INTS10: variants seen among roughly 807,000 people sequenced by gnomAD.
The protein encoded by INTS10 is integrator complex subunit 10.
A neutral mutation model predicts 94.4 loss-of-function variants in INTS10; 44 were observed. The ratio of observed to expected loss-of-function variants is 0.47; its 90% CI spans 0.37 to 0.60. The LOEUF (loss-of-function observed/expected upper bound fraction) is 0.60. INTS10 is among the 20% of genes least tolerant of loss of function. The probability of loss-of-function intolerance (pLI) is 0.00; values close to 1 mark genes in which losing one functional copy is unlikely to be tolerated. For synonymous variants in INTS10, 341 were observed against 320.7 expected (o/e 1.06, Z -0.68); for missense variants, 797 against 868.7 (o/e 0.92, Z 1.04).
chr8:19,835,291 G>A (rs545627125), intron 12 of INTS10, among the ~76,000 whole-genome samples: 1 of 152,142 alleles, frequency 6.6e-6, no homozygotes, highest in South Asian at 2.1e-4. Flanking sequence ...CTAAAATACT[G>A]CTTTCATCCT....
rs1424462563 is a variant in INTS10, at chr8:19,851,354, T to G, written c.1977-295T>G. 2.0e-5 allele frequency among the ~76,000 whole-genome samples: 3 copies of G among 152,170 alleles called. No individual in the cohort carries two copies. Among genetic ancestry groups the G allele is most frequent in the Admixed American group, 6.5e-5 (1 of 15,280 alleles). ...ATTGTGTACCAGTCAGCAGTAGGGATGCATAACACCAGAGCTTCATTGATT... is the reference window on the plus strand; with the variant it reads ...ATTGTGTACCAGTCAGCAGTAGGGAGGCATAACACCAGAGCTTCATTGATT... On this transcript the variant is annotated intron_variant, in intron 16 of 16. Transcript: ENST00000397977. This position sits in a 1 kb window ranked among gnomAD's most constrained non-coding sequence, Gnocchi z 5.0.
intron 1 of INTS10, 63 bp from the exon 2 acceptor site, chr8:19,818,212 C>A: frequency 6.6e-7 from 1 of 1,523,074 alleles, no homozygotes; most frequent in Non-Finnish European, 9.1e-7. Context: ...ACGAGCGATG[C>A]TGGATGAGCT....
In INTS10 at chr8:19,822,570, G is replaced by C. The variant is rs747167808; in HGVS notation, c.523+50G>C. The C allele has an allele frequency of 4.0e-5, 47 of 1,171,360 alleles. No individual in the cohort carries two copies. In the South Asian group the frequency reaches 5.8e-4, roughly 14 times the overall value. The allele number at this position is 1,171,360 out of a possible 1,614,324, so 72.6% of individuals were successfully genotyped here. ...ACTTCTATGGTAAATTAATATGCTG[G>C]GGTAAGTGTTGGTTCAGGGATAAGC... On this transcript the variant is annotated intron_variant, in intron 5 of 16. Coordinates refer to ENST00000397977, the MANE Select transcript of INTS10 (RefSeq NM_018142.4).
intron 10 of INTS10, among the ~76,000 whole-genome samples, chr8:19,830,887 T>G (rs2067177003): frequency 6.6e-6 from 1 of 152,208 alleles, no homozygotes; most frequent in East Asian, 1.9e-4. Context: ...TTGATCAGGC[T>G]GGTCTTGAAC....
chr8:19,833,106 T>C, intron 11 of INTS10, 63 bp from the exon 12 acceptor site: 1 of 1,413,524 alleles, frequency 7.1e-7, no homozygotes, highest in South Asian at 1.5e-5. Context: ...TGGAACGGTA[T>C]TTTTTAAATT....
chr8:19,828,697 A>G (rs987248118), intron 9 of INTS10, among the ~76,000 whole-genome samples: 12 of 151,320 alleles, frequency 7.9e-5, no homozygotes, highest in Non-Finnish European at 1.6e-4. Context: ...CCCTGATGAA[A>G]CAGTACCTGG....
At chr8:19,837,995 A>G (rs1590020488) in intron 13 of INTS10, among the ~76,000 whole-genome samples, 4 of 152,222 alleles carry the variant, frequency 2.6e-5, no homozygotes, top group Admixed American at 2.6e-4. Context: ...AAATTTAACA[A>G]CTTAGATGAA....
At chr8:19,845,413 T>C (rs1237859713) in intron 15 of INTS10, 3 of 322,218 alleles carry the variant, frequency 9.3e-6, no homozygotes, top group East Asian at 4.8e-5. Flanking sequence ...TCATGCTCTT[T>C]AGCCTGGCAC....
intron 16 of INTS10, among the ~76,000 whole-genome samples, chr8:19,850,652 C>T (rs994384446): frequency 6.6e-6 from 1 of 152,076 alleles, no homozygotes; most frequent in African/African-American, 2.4e-5. Flanking sequence ...ATCCTTATAA[C>T]TTTGTGTGAG....
chr8:19,817,752 GC>G (rs2066037496), intron 1 of INTS10, 86 bp downstream of exon 1: 1 of 1,494,758 alleles, frequency 6.7e-7, no homozygotes, highest in African/African-American at 1.4e-5. Flanking sequence ...AGCTGCGCCT[GC>G]CTGGGGGCTG....
chr8:19,819,466 C>A, intron 2 of INTS10, 107 bp from the exon 3 acceptor site: 1 of 713,540 alleles, frequency 1.4e-6, no homozygotes, highest in Non-Finnish European at 2.3e-6. Flanking sequence ...CACGTCTAAG[C>A]ATTCACTTGG....
chr8:19,837,201 T>G, intron 13 of INTS10, 41 bp downstream of exon 13: 4 of 1,328,294 alleles, frequency 3.0e-6, no homozygotes, highest in Non-Finnish European at 4.3e-6. Context: ...AAAAATAGCT[T>G]TAGAAAGCCA....
Position 19,823,877 on chromosome 8 carries a change from C to T in INTS10, c.669C>T (p.Ala223=), listed in dbSNP as rs752885965. The T allele has an allele frequency of 1.5e-5, 24 of 1,597,018 alleles. No homozygotes were observed. Among genetic ancestry groups the T allele is most frequent in the Middle Eastern group, 3.3e-4 (2 of 6,006 alleles). Residue 223 remains alanine (A), a synonymous_variant, in exon 7 of 17, where the codon GCC becomes GCT. Coordinates refer to ENST00000397977, the MANE Select transcript of INTS10 (RefSeq NM_018142.4). ...TACTTTTTTCTTACATCTCAGGCGC[C>T]CAGGATACATCTGATTTAATGTCAC... ...STQIENQHQG[A]QDTSDLMSPS... is the part of the protein sequence containing the mutation.
chr8:19,846,169 C>T lies in INTS10; in HGVS notation c.1976+372C>T, dbSNP rs1374790008. On this transcript the variant is annotated intron_variant, in intron 16 of 16. Coordinates refer to ENST00000397977, the MANE Select transcript of INTS10 (RefSeq NM_018142.4). This position sits in a 1 kb window ranked among gnomAD's most constrained non-coding sequence, Gnocchi z 4.2. ...AGGCATGGTGGCTCACGCCTGTAAT[C>T]TCAACACTTTGGGAGGCCAAGGAGG... 6.6e-6 allele frequency among the ~76,000 whole-genome samples: 1 copy of T among 151,740 alleles called. No homozygotes were observed.
Position 19,823,907 on chromosome 8 carries a change from C to G in INTS10, c.699C>G (p.Ser233Arg). 6.2e-7 allele frequency: 1 copy of G among 1,611,288 alleles called. No homozygotes were observed. Among genetic ancestry groups the G allele is most frequent in the South Asian group, 1.1e-5 (1 of 90,392 alleles). Residue 233 changes from serine (S) to arginine (R), a missense_variant, in exon 7 of 17, where the codon AGC becomes AGG. This residue lies in a region of INTS10 where 734 missense variants were observed against 787.8 expected (regional missense o/e 0.93). Transcript: ENST00000397977. Reference protein sequence around the residue: ...AQDTSDLMSPSKRSSQKYIIE... With the variant: ...AQDTSDLMSPRKRSSQKYIIE... ...ATACATCTGATTTAATGTCACCTAG[C>G]AAACGTAGCTCTCAGAAGTACATAA...
At chr8:19,826,587 A>G in intron 9 of INTS10, 28 bp downstream of exon 9, 1 of 1,593,982 alleles carries the variant, frequency 6.3e-7, no homozygotes, top group Non-Finnish European at 8.5e-7. Flanking sequence ...ACTTATTAAC[A>G]GATTGGATGG....
chr8:19,819,565 A>T lies in INTS10; in HGVS notation c.198-8A>T, dbSNP rs777847255. The T allele has an allele frequency of 3.1e-6, 5 of 1,593,282 alleles. No homozygotes were observed. On this transcript the variant is annotated splice_polypyrimidine_tract_variant and splice_region_variant and intron_variant, in intron 2 of 16. Transcript: ENST00000397977. ...CATTTTAATTTAATGTATTTATTTT[A>T]AAAATAGGTTTGTGAATTTCCCAGA...
intron 13 of INTS10, among the ~76,000 whole-genome samples, chr8:19,840,431 G>C (rs977991710): frequency 6.6e-6 from 1 of 152,088 alleles, no homozygotes; most frequent in African/African-American, 2.4e-5. Context: ...TTTGCTAGAA[G>C]TTCACAAAGT....
chr8:19,832,310 G>C (rs4615593), intron 11 of INTS10, among the ~76,000 whole-genome samples, 200 bp downstream of exon 11: 1 of 151,886 alleles, frequency 6.6e-6, no homozygotes, highest in Admixed American at 6.6e-5. Flanking sequence ...CGTGGCTTAC[G>C]CCTGTAATCC....
Sources: gnomAD v4.1 joint callset for allele counts (sites outside exome capture counted in the v4.1 genomes callset) on GRCh38, gnomAD v4.1.1 for gene constraint, gnomAD v4.1.1 regional missense constraint, Gnocchi (gnomAD v3.1) non-coding constraint, MANE v1.5 for transcripts, NCBI Gene and HGNC (gene_info 2026-07-23, HGNC 2026-07-21) for gene names.